GLIS3: variants seen among roughly 807,000 people sequenced by gnomAD.
GLIS3 encodes zinc finger protein GLIS3.
Under a neutral mutation model 78.6 loss-of-function variants are expected in GLIS3, and 53 were observed. The ratio of observed to expected loss-of-function variants is 0.67; its 90% CI spans 0.54 to 0.85. The LOEUF (loss-of-function observed/expected upper bound fraction) is 0.85, where lower values mean the gene tolerates loss of function less well. Among genes scored for constraint, GLIS3 ranks in the 40% least tolerant of loss-of-function variants. The pLI, the probability that GLIS3 is intolerant of heterozygous loss-of-function variation, is 0.00. For synonymous variants in GLIS3, 684 were observed against 509.9 expected (o/e 1.34, Z -4.60); for missense variants, 1,703 against 1,231.1 (o/e 1.38, Z -5.74).
intron 4 of GLIS3, among the ~76,000 whole-genome samples, chr9:4,073,312 C>T (rs1588606594): frequency 6.6e-6 from 1 of 152,214 alleles, no homozygotes; most frequent in East Asian, 1.9e-4. Context: ...AGTGCACAAT[C>T]AAATCACCTG....
chr9:3,948,019 T>C (rs568374545), intron 4 of GLIS3, among the ~76,000 whole-genome samples: 1 of 152,342 alleles, frequency 6.6e-6, no homozygotes, highest in South Asian at 2.1e-4. Context: ...GCATTAGCCC[T>C]GGCGGCCATT....
chr9:4,077,697 G>A (rs764569765), intron 4 of GLIS3, among the ~76,000 whole-genome samples: 26 of 152,106 alleles, frequency 1.7e-4, no homozygotes, highest in African/African-American at 6.0e-4. Context: ...GGGGGCGCGG[G>A]GGGGTAAGTG....
the GLIS3 span, among the ~76,000 whole-genome samples, chr9:4,473,618 C>T: frequency 1.3e-5 from 2 of 152,040 alleles, no homozygotes; most frequent in Non-Finnish European, 2.9e-5. Context: ...TAGAAGGGAA[C>T]AGCACACACT....
the GLIS3 span, among the ~76,000 whole-genome samples, chr9:4,374,327 G>T: frequency 3.2e-4 from 49 of 152,322 alleles, 1 homozygote; most frequent in East Asian, 7.1e-3. Flanking sequence ...TCCCTGCAAA[G>T]GAAAAAGATG....
intron 2 of GLIS3, among the ~76,000 whole-genome samples, chr9:4,320,014 TGTGTGTGTGTGC>T (rs1211619941): frequency 2.0e-4 from 9 of 44,700 alleles, no homozygotes; most frequent in East Asian, 8.8e-4. Context: ...TGTGTGTGTG[TGTGTGTGTGTGC>T]GCGCGCACAA....
At chr9:3,982,759 A>T (rs185230087) in intron 4 of GLIS3, among the ~76,000 whole-genome samples, 45 of 152,320 alleles carry the variant, frequency 3.0e-4, no homozygotes, top group African/African-American at 1.0e-3. Flanking sequence ...TTTCTCGCCA[A>T]AACAGAAAAA....
chr9:4,221,663 G>C (rs1467101910), intron 2 of GLIS3, among the ~76,000 whole-genome samples: 2 of 151,994 alleles, frequency 1.3e-5, no homozygotes, highest in African/African-American at 4.8e-5. Flanking sequence ...TCTAATACTT[G>C]CCTTTGGTTA....
intron 7 of GLIS3, among the ~76,000 whole-genome samples, chr9:3,896,818 C>T (rs1372102504): frequency 1.3e-5 from 2 of 152,124 alleles, no homozygotes; most frequent in African/African-American, 2.4e-5. Context: ...AACCTGAAGA[C>T]ACTCCACTGA....
At chr9:4,431,569 G>C in the GLIS3 span, among the ~76,000 whole-genome samples, 1 of 152,160 alleles carries the variant, frequency 6.6e-6, no homozygotes, top group Non-Finnish European at 1.5e-5. Context: ...ATAGGGCCAG[G>C]CATGGTGCCT....
the GLIS3 span, among the ~76,000 whole-genome samples, chr9:4,442,250 A>T: frequency 6.6e-6 from 1 of 152,070 alleles, no homozygotes; most frequent in African/African-American, 2.4e-5. Flanking sequence ...AATTGTTCAT[A>T]ATTGTCTGTT....
chr9:4,190,449 G>C (rs1018717205), intron 2 of GLIS3, among the ~76,000 whole-genome samples: 1 of 145,190 alleles, frequency 6.9e-6, no homozygotes, highest in African/African-American at 2.4e-5. Context: ...AAGATGAAAT[G>C]AATGAAATGA....
the GLIS3 span, among the ~76,000 whole-genome samples, chr9:4,374,139 C>T: frequency 2.6e-5 from 4 of 152,170 alleles, no homozygotes; most frequent in Non-Finnish European, 5.9e-5. Flanking sequence ...TACTGAAGGG[C>T]AGAGAAGGAC....
intron 7 of GLIS3, among the ~76,000 whole-genome samples, chr9:3,884,472 C>G (rs915096174): frequency 1.3e-5 from 2 of 152,106 alleles, no homozygotes; most frequent in Admixed American, 1.3e-4. Context: ...GCTTCTCAAG[C>G]TTTAATGTGC....
the GLIS3 span, among the ~76,000 whole-genome samples, chr9:4,357,139 T>C: frequency 1.3e-5 from 2 of 152,228 alleles, no homozygotes; most frequent in African/African-American, 4.8e-5. Context: ...TTTAAAATCT[T>C]TGGGGAATAA....
chr9:4,469,668 C>T, the GLIS3 span, among the ~76,000 whole-genome samples: 1 of 152,058 alleles, frequency 6.6e-6, no homozygotes, highest in Non-Finnish European at 1.5e-5. Context: ...CACTAAATGC[C>T]CACAAGAGAA....
chr9:4,279,759 C>G lies in GLIS3; in HGVS notation c.388+6279G>C, dbSNP rs1314779995. ...CATCATTAATTTTAAAATACTGATA[C>G]TAGTTTAAAATGTTATTTTCCTGTA... On this transcript the variant is annotated intron_variant, in intron 2 of 10. Transcript: ENST00000381971. Among the ~76,000 whole-genome samples, 8 of 151,818 alleles carry G rather than the reference C, an allele frequency of 5.3e-5. No individual in the cohort carries two copies. The East Asian group carries it at 1.5e-3, about 29-fold the overall frequency.
intron 2 of GLIS3, among the ~76,000 whole-genome samples, chr9:4,233,684 A>G (rs955679201): frequency 1.3e-5 from 2 of 152,218 alleles, no homozygotes; most frequent in African/African-American, 2.4e-5. Context: ...TAAAGTTACC[A>G]GCTGCATTAG....
At chr9:4,244,258 G>A (rs1823591838) in intron 2 of GLIS3, among the ~76,000 whole-genome samples, 1 of 152,146 alleles carries the variant, frequency 6.6e-6, no homozygotes, top group African/African-American at 2.4e-5. Context: ...AAACGTACAT[G>A]GCACAGTAAA....
At chr9:4,128,555 A>G (rs1832740105) in intron 2 of GLIS3, among the ~76,000 whole-genome samples, 1 of 152,236 alleles carries the variant, frequency 6.6e-6, no homozygotes, top group African/African-American at 2.4e-5. Context: ...ATTCCACTGA[A>G]ACTCTCCTGG....
Sources: allele counts gnomAD v4.1 joint callset (sites outside exome capture counted in the v4.1 genomes callset), GRCh38; gene constraint gnomAD v4.1.1; transcripts MANE v1.5; gene names NCBI Gene and HGNC (gene_info 2026-07-23, HGNC 2026-07-21).